Variants in CHST9 observed in about 807,000 individuals in gnomAD.
CHST9 encodes the protein carbohydrate sulfotransferase 9, also known as GalNAc-4-sulfotransferase 2.
Under a neutral mutation model 44.4 loss-of-function variants are expected in CHST9, and 41 were observed. The ratio of observed to expected loss-of-function variants is 0.92; its 90% CI spans 0.72 to 1.20. The LOEUF (loss-of-function observed/expected upper bound fraction) is 1.20, where lower values mean the gene tolerates loss of function less well. Among genes scored for constraint, CHST9 ranks in the 50% most tolerant of loss-of-function variants. The probability of loss-of-function intolerance (pLI) is 0.00; values close to 1 mark genes in which losing one functional copy is unlikely to be tolerated. For missense variants in CHST9, 504 were observed against 516.5 expected, an observed-to-expected ratio of 0.98 and a Z score of 0.23; for synonymous variants, 171 against 178.4, an observed-to-expected ratio of 0.96 and a Z score of 0.33.
intron 4 of CHST9, among the ~76,000 whole-genome samples, chr18:26,977,729 A>G (rs1383584578): frequency 6.6e-6 from 1 of 152,298 alleles, no homozygotes; most frequent in East Asian, 1.9e-4. Context: ...ACTGAGAACC[A>G]TTTGCTTTCA....
chr18:27,087,159 G>A (rs1193853061), intron 2 of CHST9, among the ~76,000 whole-genome samples: 1 of 152,128 alleles, frequency 6.6e-6, no homozygotes, highest in African/African-American at 2.4e-5. Flanking sequence ...TAGGATATCT[G>A]AAAGTTAGCA....
intron 1 of CHST9, among the ~76,000 whole-genome samples, chr18:27,178,051 C>G (rs1376627640): frequency 6.6e-6 from 1 of 151,884 alleles, no homozygotes; most frequent in East Asian, 1.9e-4. Flanking sequence ...AAAAGTAGAC[C>G]GAATAAAGTT....
rs374891825 is a variant in CHST9, at chr18:26,971,683, C to T, written c.203-27317G>A. Reference sequence around the variant, plus strand: ...GATGTGCTGGCTGCAAAGAGCTCTGCCCGCAGCAGCAGCACGCATCCCTTC... The same window carrying T: ...GATGTGCTGGCTGCAAAGAGCTCTGTCCGCAGCAGCAGCACGCATCCCTTC... On this transcript the variant is annotated intron_variant, in intron 4 of 5. Coordinates refer to ENST00000618847, the MANE Select transcript of CHST9 (RefSeq NM_031422.6). Among the ~76,000 whole-genome samples the T allele has an allele frequency of 1.1e-4, 16 of 152,328 alleles. No individual in the cohort carries two copies. The East Asian group carries it at 3.1e-3, about 29-fold the overall frequency.
chr18:26,940,408 G>T (rs571849284), intron 5 of CHST9, among the ~76,000 whole-genome samples: 2 of 152,316 alleles, frequency 1.3e-5, no homozygotes, highest in East Asian at 3.9e-4. Flanking sequence ...CAAGTTTCAG[G>T]GGTGACTATA....
At chr18:26,932,689 C>A (rs779661125) in intron 5 of CHST9, among the ~76,000 whole-genome samples, 10 of 152,148 alleles carry the variant, frequency 6.6e-5, no homozygotes, top group South Asian at 2.1e-4. Context: ...TGAAGAAGAA[C>A]ATTTATTTCC....
At chr18:27,160,436 A>T (rs1032091278) in intron 1 of CHST9, among the ~76,000 whole-genome samples, 3 of 152,214 alleles carry the variant, frequency 2.0e-5, no homozygotes, top group African/African-American at 7.2e-5. Context: ...ATGTTGAACC[A>T]GCCTTGCATC....
chr18:27,071,617 CT>C (rs1335571424), intron 2 of CHST9, among the ~76,000 whole-genome samples: 23 of 152,240 alleles, frequency 1.5e-4, no homozygotes, highest in African/African-American at 5.5e-4. Context: ...AAATATTAGA[CT>C]TTTTTTCTCA....
At chr18:27,004,072 T>C (rs911451243) in intron 4 of CHST9, among the ~76,000 whole-genome samples, 1 of 147,284 alleles carries the variant, frequency 6.8e-6, no homozygotes, top group African/African-American at 2.5e-5. Context: ...AAAACAGAGA[T>C]AAAAACCAAA....
Position 27,183,772 on chromosome 18 carries a change from G to A in CHST9, c.-97+1364C>T, listed in dbSNP as rs148052862. On this transcript the variant is annotated intron_variant, in intron 1 of 5. Coordinates refer to ENST00000618847, the MANE Select transcript of CHST9 (RefSeq NM_031422.6). Reference sequence around the variant, plus strand: ...TTTGATTGAAGCTCTTACACCCTTTGAGCAATAATAAAAAGTGGTAGTTCA... The same window carrying A: ...TTTGATTGAAGCTCTTACACCCTTTAAGCAATAATAAAAAGTGGTAGTTCA... Among the ~76,000 whole-genome samples the A allele has an allele frequency of 2.6e-3, 397 of 152,222 alleles. 3 individuals carry two copies. The highest frequency in any genetic ancestry group is 9.1e-3 in the African/African-American group (376 of 41,530).
chr18:26,988,260 A>G (rs2056776929), intron 4 of CHST9, among the ~76,000 whole-genome samples: 1 of 152,184 alleles, frequency 6.6e-6, no homozygotes, highest in Admixed American at 6.5e-5. Flanking sequence ...ATTAAAAGAT[A>G]TTTATGTTTA....
At chr18:26,922,390 C>T (rs965785550) in intron 5 of CHST9, among the ~76,000 whole-genome samples, 1 of 152,112 alleles carries the variant, frequency 6.6e-6, no homozygotes, top group African/African-American at 2.4e-5. Context: ...TAATTTTATT[C>T]CAGCTTCCAC....
chr18:27,092,478 C>A (rs1347657261), intron 2 of CHST9, among the ~76,000 whole-genome samples: 1 of 151,958 alleles, frequency 6.6e-6, no homozygotes, highest in Admixed American at 6.6e-5. Flanking sequence ...TATTTATTGC[C>A]TTCTGCTAGC....
intron 1 of CHST9, among the ~76,000 whole-genome samples, chr18:27,181,161 G>C (rs2058908541): frequency 1.3e-5 from 2 of 152,124 alleles, no homozygotes; most frequent in African/African-American, 4.8e-5. Context: ...ATTTTTGGCA[G>C]TTCTAACCTT....
At chr18:26,949,285 G>A (rs989721033) in intron 4 of CHST9, among the ~76,000 whole-genome samples, 3 of 152,192 alleles carry the variant, frequency 2.0e-5, no homozygotes, top group African/African-American at 7.2e-5. Context: ...AAATACAGGA[G>A]CAAGAAGCAA....
intron 5 of CHST9, among the ~76,000 whole-genome samples, chr18:26,942,431 T>C (rs895674065): frequency 6.6e-6 from 1 of 152,156 alleles, no homozygotes; most frequent in Non-Finnish European, 1.5e-5. Flanking sequence ...AGAATTTCAC[T>C]CTCTTATTGA....
In CHST9 at chr18:27,086,672, A is replaced by G. The variant is rs577229314; in HGVS notation, c.122-38169T>C. 3.3e-5 allele frequency among the ~76,000 whole-genome samples: 5 copies of G among 152,326 alleles called. No individual in the cohort carries two copies. The East Asian group carries it at 9.6e-4, about 29-fold the overall frequency. On this transcript the variant is annotated intron_variant, in intron 2 of 5. Transcript: ENST00000618847. ...GTGCTTAATATGAAACTAAAACACA[A>G]TCTGAAAGTGTTTTTAATAAAGGTG...
Position 26,914,951 on chromosome 18 carries a change from A to G in CHST9, c.*1308T>C, listed in dbSNP as rs2145040073. ...CAATTAAAGTAGGTTTCCCATCCAAATGTTTCCCATCCAAAATGATCCCTT... is the reference window on the plus strand; with the variant it reads ...CAATTAAAGTAGGTTTCCCATCCAAGTGTTTCCCATCCAAAATGATCCCTT... On this transcript the variant is annotated 3_prime_UTR_variant, in exon 6 of 6. Coordinates refer to ENST00000618847, the MANE Select transcript of CHST9 (RefSeq NM_031422.6). The G allele has an allele frequency of 2.5e-6, 1 of 395,696 alleles. No individual in the cohort carries two copies. The highest frequency in any genetic ancestry group is 4.4e-6 in the Non-Finnish European group (1 of 225,212). 24.5% of individuals were successfully genotyped at this position (395,696 alleles called of 1,614,324 possible). A position where few individuals can be genotyped will look rare whatever the true frequency, so the allele number is the denominator to read the frequency against.
At chr18:26,972,955 G>A (rs2056570014) in intron 4 of CHST9, among the ~76,000 whole-genome samples, 1 of 152,104 alleles carries the variant, frequency 6.6e-6, no homozygotes, top group Admixed American at 6.5e-5. Context: ...CTGGCACCCC[G>A]CTCCTCGTTT....
chr18:27,184,618 G>A (rs898859626), intron 1 of CHST9, among the ~76,000 whole-genome samples: 1 of 151,988 alleles, frequency 6.6e-6, no homozygotes, highest in Non-Finnish European at 1.5e-5. Context: ...GAGCCAGGTC[G>A]CGGAGTTTGA....
Sources: gnomAD v4.1 joint callset for allele counts (sites outside exome capture counted in the v4.1 genomes callset) on GRCh38, gnomAD v4.1.1 for gene constraint, MANE v1.5 for transcripts, NCBI Gene and HGNC (gene_info 2026-07-23, HGNC 2026-07-21) for gene names.